The following HMCN2 variants were observed in gnomAD, a reference collection of about 807,000 sequenced individuals.
HMCN2 encodes hemicentin-2.
HMCN2 carries 325 observed loss-of-function variants against 377.5 expected under a neutral mutation model. The ratio of observed to expected loss-of-function variants is 0.86; its 90% CI spans 0.79 to 0.94. The LOEUF is 0.94. Ranked by LOEUF, HMCN2 falls within the 40% of genes least tolerant of loss-of-function variation. The pLI, the probability that HMCN2 is intolerant of heterozygous loss-of-function variation, is 0.00. For missense variants in HMCN2, 4,543 were observed against 4,725.3 expected (o/e 0.96, Z 1.13); for synonymous variants, 2,007 against 2,046.8 (o/e 0.98, Z 0.53).
chr9:130,402,652 A>G (rs1842909331), intron 77 of HMCN2, 137 bp from the exon 78 acceptor site: 2 of 421,468 alleles, frequency 4.7e-6, no homozygotes, highest in African/African-American at 4.1e-5. Flanking sequence ...ATACAGTCAC[A>G]TCCCCCAGAC....
chr9:130,410,197 T>C (rs1448691335), intron 84 of HMCN2, among the ~76,000 whole-genome samples: 1 of 152,234 alleles, frequency 6.6e-6, no homozygotes, highest in Non-Finnish European at 1.5e-5. Context: ...CTCCCAAACT[T>C]ACTTGACCAT....
At chr9:130,375,535 T>G in intron 49 of HMCN2, 28 bp from the exon 50 acceptor site, 1 of 985,484 alleles carries the variant, frequency 1.0e-6, no homozygotes, top group Non-Finnish European at 1.2e-6. Flanking sequence ...TCTCTGCTCA[T>G]AACTGCCTCC....
At position 130,395,190 on chromosome 9, in the gene HMCN2, CTT is replaced by C. The variant is rs1564851404; in HGVS notation, c.10775-20_10775-19del. 7.0e-6 allele frequency: 9 copies of C among 1,286,892 alleles called. No individual in the cohort carries two copies. Among genetic ancestry groups the C allele is most frequent in the Middle Eastern group, 4.4e-4 (2 of 4,596 alleles). 79.7% of individuals were successfully genotyped at this position (1,286,892 alleles called of 1,614,324 possible). ...GGGGTGAGTCCCCCTCTCATATCCTCTTGTGCCACCCCCTTCCCAGCCCCTCC... is the reference window on the plus strand; with the variant it reads ...GGGGTGAGTCCCCCTCTCATATCCTCGTGCCACCCCCTTCCCAGCCCCTCC... On this transcript the variant is annotated intron_variant, in intron 70 of 97. Transcript: ENST00000683500.
At chr9:130,281,686 G>C (rs574248786) in intron 1 of HMCN2, among the ~76,000 whole-genome samples, 2 of 152,090 alleles carry the variant, frequency 1.3e-5, no homozygotes, top group African/African-American at 2.4e-5. Context: ...CTGAGGTCAG[G>C]AGTTTGAGAC....
At chr9:130,343,076 G>A (rs1839147514) in intron 25 of HMCN2, among the ~76,000 whole-genome samples, 1 of 152,212 alleles carries the variant, frequency 6.6e-6, no homozygotes, top group Non-Finnish European at 1.5e-5. Flanking sequence ...AACTCAGTGG[G>A]ACCCCACGCG....
chr9:130,360,667 A>G lies in HMCN2; in HGVS notation c.5950+63A>G, dbSNP rs1295931947. ...AAGTTGTCTTTTCATTCATTTGTCT[A>G]TTAGTCTGTCCATCCACCTGTCCAC... On this transcript the variant is annotated intron_variant, in intron 38 of 97. Transcript: ENST00000683500. This position sits in a 1 kb window ranked among gnomAD's most constrained non-coding sequence, Gnocchi z 4.7. The G allele has an allele frequency of 2.8e-6, 3 of 1,074,246 alleles. No homozygotes were observed. Among genetic ancestry groups the G allele is most frequent in the Admixed American group, 2.9e-5 (1 of 34,366 alleles). 66.5% of individuals were successfully genotyped at this position (1,074,246 alleles called of 1,614,324 possible). A position where few individuals can be genotyped will look rare whatever the true frequency, so the allele number is the denominator to read the frequency against.
At chr9:130,333,736 G>T (rs1838558386) in intron 22 of HMCN2, among the ~76,000 whole-genome samples, 1 of 152,214 alleles carries the variant, frequency 6.6e-6, no homozygotes, top group Admixed American at 6.5e-5. Flanking sequence ...GAGCTTCTGG[G>T]AATGTAGCGG....
At chr9:130,333,025 G>A (rs977412055) in intron 22 of HMCN2, among the ~76,000 whole-genome samples, 5 of 152,202 alleles carry the variant, frequency 3.3e-5, no homozygotes, top group African/African-American at 9.7e-5. Context: ...TGGAAGGTCT[G>A]GGGGGAGGGA....
chr9:130,331,006 C>CACAG (rs1449552098), intron 22 of HMCN2, among the ~76,000 whole-genome samples: 1 of 150,556 alleles, frequency 6.6e-6, no homozygotes, highest in Admixed American at 6.6e-5. Flanking sequence ...CACACACACA[C>CACAG]AAATAGCCGG....
intron 83 of HMCN2, among the ~76,000 whole-genome samples, chr9:130,408,510 A>G (rs1357710295): frequency 6.6e-6 from 1 of 152,154 alleles, no homozygotes; most frequent in African/African-American, 2.4e-5. Flanking sequence ...ATTCAGCTTC[A>G]AATGCTTCTC....
chr9:130,379,505 G>T lies in HMCN2; in HGVS notation c.8431+38G>T, dbSNP rs571316166. 325 of 928,280 alleles carry T rather than the reference G, an allele frequency of 3.5e-4. No homozygotes were observed. In the African/African-American group the frequency reaches 5.3e-3, roughly 15 times the overall value. 57.5% of individuals were successfully genotyped at this position (928,280 alleles called of 1,614,324 possible). A position where few individuals can be genotyped will look rare whatever the true frequency, so the allele number is the denominator to read the frequency against. On this transcript the variant is annotated intron_variant, in intron 54 of 97. Transcript: ENST00000683500. ...TGCGTGAAGAAAGTGGGCGCTTTGA[G>T]CTCTCCTGTGTGCTGCCTGCTGTGT...
At chr9:130,346,106 G>T (rs938835776) in intron 25 of HMCN2, among the ~76,000 whole-genome samples, 12 of 152,112 alleles carry the variant, frequency 7.9e-5, no homozygotes, top group Admixed American at 1.3e-4. Context: ...GGGTGGGAGT[G>T]ACGTGCCGAT....
At chr9:130,383,158 C>G (rs1374276020) in intron 56 of HMCN2, among the ~76,000 whole-genome samples, 1 of 152,146 alleles carries the variant, frequency 6.6e-6, no homozygotes, top group Non-Finnish European at 1.5e-5. Context: ...CGTGCAGAGC[C>G]GTGCCCAGCA....
In HMCN2 at chr9:130,270,567, A is replaced by G. The variant is rs116917787; in HGVS notation, c.259+4430A>G. On this transcript the variant is annotated intron_variant, in intron 1 of 97. Transcript: ENST00000683500. ...GGGCGACAGAGCAAGACCCTGTCTC[A>G]AAAAGAAAACAACAACAACAAAAAG... 8.3e-4 allele frequency among the ~76,000 whole-genome samples: 124 copies of G among 148,946 alleles called. 5 individuals carry two copies. The East Asian group carries it at 0.019, about 23-fold the overall frequency.
chr9:130,383,678 C>A, intron 57 of HMCN2, 78 bp downstream of exon 57: 1 of 628,322 alleles, frequency 1.6e-6, no homozygotes, highest in Non-Finnish European at 2.0e-6. Flanking sequence ...CTTCCAGTAT[C>A]CTGGGCTCTG....
chr9:130,357,507 T>C (rs1204823931), intron 34 of HMCN2, among the ~76,000 whole-genome samples: 1 of 136,886 alleles, frequency 7.3e-6, no homozygotes, highest in East Asian at 2.3e-4. Flanking sequence ...GCTGGATGGA[T>C]TGGTAGATGA....
chr9:130,329,778 C>T (rs899000885), intron 22 of HMCN2, among the ~76,000 whole-genome samples: 11 of 151,700 alleles, frequency 7.3e-5, no homozygotes, highest in Non-Finnish European at 1.2e-4. Flanking sequence ...AAGCTTTGTT[C>T]GCAGGCTCTG....
chr9:130,348,754 T>A, intron 27 of HMCN2, 79 bp downstream of exon 27: 1 of 1,278,574 alleles, frequency 7.8e-7, no homozygotes, highest in Non-Finnish European at 1.0e-6. Flanking sequence ...CATTTCTGCG[T>A]GTGCCAAGGT....
At chr9:130,367,254 G>A (rs914668989) in intron 43 of HMCN2, among the ~76,000 whole-genome samples, 1 of 152,146 alleles carries the variant, frequency 6.6e-6, no homozygotes, top group Non-Finnish European at 1.5e-5. Context: ...TAAATACCTA[G>A]TGAGGTGTCA....
Sources: allele counts gnomAD v4.1 joint callset (sites outside exome capture counted in the v4.1 genomes callset), GRCh38; gene constraint gnomAD v4.1.1; non-coding constraint Gnocchi (gnomAD v3.1); transcripts MANE v1.5; gene names NCBI Gene and HGNC (gene_info 2026-07-23, HGNC 2026-07-21).